Variants in TJP3 observed in about 807,000 individuals in gnomAD.
The protein encoded by TJP3 is tight junction protein ZO-3.
In TJP3, 85 loss-of-function variants were observed where a neutral mutation model predicts 104.2. That is an observed-to-expected ratio of 0.82 (90% CI 0.68 to 0.98). TJP3 has a LOEUF of 0.98. Among genes scored for constraint, TJP3 ranks in the 50% least tolerant of loss-of-function variants. The pLI is 0.00. For synonymous variants in TJP3, 550 were observed against 550.6 expected (o/e 1.00, Z 0.02); for missense variants, 1,367 against 1,322.8 (o/e 1.03, Z -0.52).
intron 7 of TJP3, 99 bp from the exon 8 acceptor site, chr19:3,734,228 G>GGGCCCTTTGTTTAGAGGGGTGTTGATAT: frequency 1.6e-6 from 2 of 1,287,910 alleles, no homozygotes; most frequent in Middle Eastern, 1.9e-4. Flanking sequence ...CTTTGGTCTA[G>GGGCCCTTTGTTTAGAGGGGTGTTGATAT]GGCCCTTTGT....
At chr19:3,737,994 G>A (rs1476705294) in intron 11 of TJP3, among the ~76,000 whole-genome samples, 4 of 152,070 alleles carry the variant, frequency 2.6e-5, no homozygotes, top group Non-Finnish European at 5.9e-5. Flanking sequence ...GAGAGCAGGT[G>A]GCTGTATATT....
In TJP3 at chr19:3,747,846, A is replaced by G; in HGVS notation, c.2375A>G (p.Asp792Gly). 1 of 1,610,838 alleles carries G rather than the reference A, an allele frequency of 6.2e-7. No homozygotes were observed. The highest frequency in any genetic ancestry group is 2.2e-5 in the East Asian group (1 of 44,860). The part of the protein sequence containing the change: ...NLDLPHHGLA[D>G]SSADLSCDSR... ...GACCTCCCTCACCACGGCCTGGCCGACAGCTCCGCTGACCTCAGCTGCGAC... is the reference window on the plus strand; with the variant it reads ...GACCTCCCTCACCACGGCCTGGCCGGCAGCTCCGCTGACCTCAGCTGCGAC... The change falls in exon 19 of 21, where the codon GAC (aspartate) becomes GGC (glycine). Residue 792 changes from aspartate to glycine, a missense_variant. Asp to Gly is a moderately conservative substitution (Grantham distance 94). Transcript: ENST00000541714.
chr19:3,724,321 G>C (rs1356529106), intron 1 of TJP3, among the ~76,000 whole-genome samples: 3 of 151,842 alleles, frequency 2.0e-5, no homozygotes, highest in Admixed American at 1.3e-4. Flanking sequence ...TCAGCCTCCT[G>C]AGTAGCTGGG....
intron 1 of TJP3, among the ~76,000 whole-genome samples, chr19:3,717,984 G>C (rs961007317): frequency 5.4e-4 from 82 of 151,506 alleles, no homozygotes; most frequent in Non-Finnish European, 4.7e-4. Context: ...GGGAGGCCGA[G>C]GGGGGCGGAT....
At chr19:3,711,419 G>A (rs1440358136) in intron 1 of TJP3, among the ~76,000 whole-genome samples, 1 of 150,090 alleles carries the variant, frequency 6.7e-6, no homozygotes, top group Non-Finnish European at 1.5e-5. Flanking sequence ...GGCTGGTCTC[G>A]AACTCCTGAT....
chr19:3,720,878 C>T (rs1434745131), intron 1 of TJP3, among the ~76,000 whole-genome samples: 1 of 150,380 alleles, frequency 6.6e-6, no homozygotes, highest in Non-Finnish European at 1.5e-5. Context: ...TTCCTTCCTT[C>T]CCTTCTTTCC....
In TJP3 at chr19:3,745,994, C is replaced by A. The variant is rs373767247; in HGVS notation, c.1940-17C>A. The A allele has an allele frequency of 1.9e-6, 3 of 1,590,048 alleles. No individual in the cohort carries two copies. Among genetic ancestry groups the A allele is most frequent in the Admixed American group, 3.5e-5 (2 of 57,032 alleles). On this transcript the variant is annotated splice_polypyrimidine_tract_variant and intron_variant, in intron 15 of 20. Transcript: ENST00000541714. ...GGCTGCCCTCCTGAAGCTGCTGGTC[C>A]TCTCTGCCGTCCACAGAGACTGTGT...
rs147011106 is a variant in TJP3, at chr19:3,736,214, G to A, written c.1177G>A (p.Gly393Arg). The change falls in exon 11 of 21, where the codon GGG becomes AGG. Residue 393 changes from glycine (G) to arginine (R), a missense_variant. By Grantham distance (125) the Gly-to-Arg change is moderately radical. Coordinates refer to ENST00000541714, the MANE Select transcript of TJP3 (RefSeq NM_001267560.2). Reference sequence around the variant, plus strand: ...CCGCTTCCTCAAGGGCAAGAGCATCGGGCTGCGGCTGGCAGGGGGCAATGA... The same window carrying A: ...CCGCTTCCTCAAGGGCAAGAGCATCAGGCTGCGGCTGGCAGGGGGCAATGA... ...VVRFLKGKSIGLRLAGGNDVG... is the reference protein window; with the variant it reads ...VVRFLKGKSIRLRLAGGNDVG... 541 of 1,596,688 alleles carry A rather than the reference G, an allele frequency of 3.4e-4. 1 individual carries two copies. Among genetic ancestry groups the A allele is most frequent in the Non-Finnish European group, 3.8e-4 (443 of 1,171,582 alleles).
intron 5 of TJP3, among the ~76,000 whole-genome samples, 191 bp from the exon 6 acceptor site, chr19:3,731,744 G>A (rs2036674083): frequency 6.6e-6 from 1 of 152,236 alleles, no homozygotes; most frequent in African/African-American, 2.4e-5. Flanking sequence ...GTGACCTGGT[G>A]TCCCCGCCCC....
At chr19:3,745,264 G>C (rs1241920110) in intron 15 of TJP3, among the ~76,000 whole-genome samples, 1 of 148,582 alleles carries the variant, frequency 6.7e-6, no homozygotes, top group Non-Finnish European at 1.5e-5. Flanking sequence ...TCCTGCCTTA[G>C]CCACCCTGGT....
intron 1 of TJP3, among the ~76,000 whole-genome samples, chr19:3,721,128 C>T (rs1228776760): frequency 6.6e-6 from 1 of 152,082 alleles, no homozygotes; most frequent in African/African-American, 2.4e-5. Context: ...TCTCGAACTG[C>T]TGACCTCGTG....
rs1223583003 is a variant in TJP3, at chr19:3,728,500, G to A, written c.48+20G>A. The A allele has an allele frequency of 1.3e-6, 2 of 1,551,160 alleles. No homozygotes were observed. The highest frequency in any genetic ancestry group is 8.7e-7 in the Non-Finnish European group (1 of 1,149,244). Reference sequence around the variant, plus strand: ...TCCAAGGTGAGGCCTCCCTCTCCCTGTCTGGGTGCCAGAGAGTATGGCGGC... The same window carrying A: ...TCCAAGGTGAGGCCTCCCTCTCCCTATCTGGGTGCCAGAGAGTATGGCGGC... On this transcript the variant is annotated intron_variant, in intron 2 of 20. Transcript: ENST00000541714.
intron 3 of TJP3, 54 bp downstream of exon 3, chr19:3,728,767 A>C: frequency 6.3e-7 from 1 of 1,580,612 alleles, no homozygotes; most frequent in Non-Finnish European, 8.6e-7. Context: ...GAGAGGAGAA[A>C]CCAGGCCAGG....
At chr19:3,739,522 T>C (rs1026305030) in intron 13 of TJP3, among the ~76,000 whole-genome samples, 6 of 152,154 alleles carry the variant, frequency 3.9e-5, no homozygotes, top group South Asian at 2.1e-4. Flanking sequence ...ATATCACTGC[T>C]TAGCAGTGTT....
intron 1 of TJP3, among the ~76,000 whole-genome samples, chr19:3,710,082 G>A (rs1047782509): frequency 6.7e-6 from 1 of 150,256 alleles, no homozygotes; most frequent in Non-Finnish European, 1.5e-5. Flanking sequence ...CCAGGAGGTG[G>A]AGGTTGCAGT....
At position 3,709,878 on chromosome 19, in the gene TJP3, G is replaced by A. The variant is rs1211915019; in HGVS notation, c.-10+1317G>A. Reference sequence around the variant, plus strand: ...AATGGGGATATTGAGGGCCGGGCGCGGTGGCTCACGCCTGTAATCCCAGCA... The same window carrying A: ...AATGGGGATATTGAGGGCCGGGCGCAGTGGCTCACGCCTGTAATCCCAGCA... On this transcript the variant is annotated intron_variant, in intron 1 of 20. Transcript: ENST00000541714. Among the ~76,000 whole-genome samples the A allele has an allele frequency of 3.3e-5, 5 of 152,242 alleles. No individual in the cohort carries two copies. The East Asian group carries it at 5.8e-4, about 18-fold the overall frequency.
At chr19:3,724,460 G>T (rs907783395) in intron 1 of TJP3, among the ~76,000 whole-genome samples, 2 of 152,234 alleles carry the variant, frequency 1.3e-5, no homozygotes, top group African/African-American at 2.4e-5. Context: ...CTCCCAAAGT[G>T]CTGGGATTAC....
At chr19:3,713,802 G>A (rs1443960630) in intron 1 of TJP3, among the ~76,000 whole-genome samples, 8 of 151,474 alleles carry the variant, frequency 5.3e-5, no homozygotes, top group South Asian at 2.1e-4. Context: ...TGCAACCTCC[G>A]CCTCCCAGGT....
intron 1 of TJP3, among the ~76,000 whole-genome samples, chr19:3,721,157 C>T (rs2036538526): frequency 6.6e-6 from 1 of 152,072 alleles, no homozygotes; most frequent in Non-Finnish European, 1.5e-5. Context: ...GCCTCGGCCT[C>T]CCAAAATTTG....
Sources: gnomAD v4.1 joint callset for allele counts (sites outside exome capture counted in the v4.1 genomes callset) on GRCh38, gnomAD v4.1.1 for gene constraint, MANE v1.5 for transcripts, NCBI Gene and HGNC (gene_info 2026-07-23, HGNC 2026-07-21) for gene names.